The following ADK variants were observed in gnomAD, a reference collection of about 807,000 sequenced individuals.
The protein encoded by ADK is adenosine kinase.
Under a neutral mutation model 44.7 loss-of-function variants are expected in ADK, and 24 were observed. The observed-to-expected ratio is 0.54, with a 90% CI of 0.39 to 0.76. The LOEUF is 0.76. ADK is among the 30% of genes least tolerant of loss of function. The pLI, the probability that ADK is intolerant of heterozygous loss-of-function variation, is 0.00. For synonymous variants in ADK, 128 were observed against 142.6 expected (o/e 0.90, Z 0.73); for missense variants, 321 against 425.1 (o/e 0.76, Z 2.15).
intron 7 of ADK, among the ~76,000 whole-genome samples, chr10:74,532,885 A>C (rs1376039845): frequency 7.6e-6 from 1 of 132,146 alleles, no homozygotes; most frequent in African/African-American, 2.9e-5. Context: ...ATGCCACTGC[A>C]CTCCAGTCTG....
intron 3 of ADK, among the ~76,000 whole-genome samples, chr10:74,247,047 T>G (rs7083605): frequency 0.032 from 4,823 of 151,836 alleles, 271 homozygotes; most frequent in African/African-American, 0.11. Context: ...AAGTGTAAAG[T>G]GGTCCTGAGA....
At chr10:74,640,754 C>A (rs900274375) in intron 9 of ADK, among the ~76,000 whole-genome samples, 3 of 152,166 alleles carry the variant, frequency 2.0e-5, no homozygotes, top group African/African-American at 7.2e-5. Context: ...CAATAAAACT[C>A]TATTTATAAA....
chr10:74,300,349 TCC>T (rs1839985448), intron 3 of ADK, among the ~76,000 whole-genome samples: 1 of 75,668 alleles, frequency 1.3e-5, no homozygotes, highest in East Asian at 2.6e-4. Context: ...CTTCCTTCCT[TCC>T]TTCCTTCCTT....
chr10:74,354,805 A>C (rs1276914221), intron 4 of ADK, among the ~76,000 whole-genome samples: 1 of 152,242 alleles, frequency 6.6e-6, no homozygotes, highest in Non-Finnish European at 1.5e-5. Flanking sequence ...TGTATTATCT[A>C]TCTTAAAAAA....
intron 7 of ADK, among the ~76,000 whole-genome samples, chr10:74,538,752 G>A (rs1200724529): frequency 6.6e-6 from 1 of 152,124 alleles, no homozygotes; most frequent in Non-Finnish European, 1.5e-5. Context: ...TACTGCCATG[G>A]GGATGGGAAG....
chr10:74,427,704 T>C (rs1018565510), intron 6 of ADK, among the ~76,000 whole-genome samples: 2 of 145,776 alleles, frequency 1.4e-5, no homozygotes, highest in African/African-American at 5.1e-5. Flanking sequence ...TGTGTGTGCA[T>C]GTATTTTTGT....
chr10:74,182,536 T>G (rs138236974), intron 1 of ADK, among the ~76,000 whole-genome samples: 2 of 152,066 alleles, frequency 1.3e-5, no homozygotes, highest in African/African-American at 4.8e-5. Flanking sequence ...GCCCGGCTAA[T>G]TTTTGTATTT....
At chr10:74,465,709 A>G (rs1167073563) in intron 6 of ADK, among the ~76,000 whole-genome samples, 1 of 152,172 alleles carries the variant, frequency 6.6e-6, no homozygotes, top group Non-Finnish European at 1.5e-5. Context: ...ATTGAAGAAT[A>G]GTTTACGAGA....
intron 7 of ADK, among the ~76,000 whole-genome samples, chr10:74,580,300 G>A (rs1249634926): frequency 2.6e-5 from 4 of 152,108 alleles, no homozygotes; most frequent in Non-Finnish European, 5.9e-5. Flanking sequence ...TCCTGGCCAG[G>A]CACGGTGGCT....
At chr10:74,555,582 G>C (rs1175599832) in intron 7 of ADK, among the ~76,000 whole-genome samples, 1 of 148,514 alleles carries the variant, frequency 6.7e-6, no homozygotes, top group African/African-American at 2.5e-5. Flanking sequence ...TTGCACTCTA[G>C]CCTGGGATAC....
At chr10:74,553,716 A>G (rs2133792078) in intron 7 of ADK, among the ~76,000 whole-genome samples, 1 of 152,306 alleles carries the variant, frequency 6.6e-6, no homozygotes, top group South Asian at 2.1e-4. Flanking sequence ...ATAGGGATTG[A>G]CTGGTAAGAG....
At chr10:74,337,750 T>C (rs1292325167) in intron 4 of ADK, among the ~76,000 whole-genome samples, 1 of 149,900 alleles carries the variant, frequency 6.7e-6, no homozygotes, top group East Asian at 2.0e-4. Flanking sequence ...GTATATTCCC[T>C]CTTCGGATGA....
intron 4 of ADK, among the ~76,000 whole-genome samples, chr10:74,316,449 A>G (rs1039866270): frequency 6.6e-6 from 1 of 152,152 alleles, no homozygotes; most frequent in African/African-American, 2.4e-5. Flanking sequence ...TAATTGAGTC[A>G]TGGGTGCAGT....
In ADK at chr10:74,689,867, A is replaced by G. The variant is rs578090022; in HGVS notation, c.965-18454A>G. ...TATTTTTCTTCTTTCCTTACTATCT[A>G]TCACCCAGAATAGTGGTTCTCAAAC... On this transcript the variant is annotated intron_variant, in intron 10 of 10. Coordinates refer to ENST00000539909, the MANE Select transcript of ADK (RefSeq NM_006721.4). Among the ~76,000 whole-genome samples, 58 of 152,308 alleles carry G rather than the reference A, an allele frequency of 3.8e-4. No individual in the cohort carries two copies. In the East Asian group the frequency reaches 8.3e-3, roughly 22 times the overall value.
chr10:74,471,061 G>A lies in ADK; in HGVS notation c.556-54195G>A, dbSNP rs1292078658. On this transcript the variant is annotated intron_variant, in intron 6 of 10. Coordinates refer to ENST00000539909, the MANE Select transcript of ADK (RefSeq NM_006721.4). Reference sequence around the variant, plus strand: ...AGAAACTATCCTGTATGCATTATCAGTACTATACTTTTTCTTTTTTTTTTT... The same window carrying A: ...AGAAACTATCCTGTATGCATTATCAATACTATACTTTTTCTTTTTTTTTTT... 4.2e-5 allele frequency among the ~76,000 whole-genome samples: 6 copies of A among 143,848 alleles called. No individual in the cohort carries two copies. In the East Asian group the frequency reaches 1.2e-3, roughly 29 times the overall value. 94.4% of individuals were successfully genotyped at this position (143,848 alleles called of 152,430 possible).
intron 2 of ADK, among the ~76,000 whole-genome samples, chr10:74,217,879 C>A (rs568867106): frequency 5.3e-5 from 8 of 151,978 alleles, no homozygotes; most frequent in Non-Finnish European, 1.2e-4. Flanking sequence ...TGTACATCAC[C>A]ATCATCAAAG....
intron 6 of ADK, among the ~76,000 whole-genome samples, chr10:74,458,145 TTGG>T (rs1846025793): frequency 2.0e-5 from 1 of 50,890 alleles, no homozygotes; most frequent in African/African-American, 5.7e-5. Flanking sequence ...TTTTTTTTTT[TTGG>T]GGGGAGAAGG....
intron 1 of ADK, among the ~76,000 whole-genome samples, chr10:74,196,206 A>T (rs1843143799): frequency 1.3e-5 from 2 of 151,944 alleles, no homozygotes; most frequent in South Asian, 4.2e-4. Context: ...AGCATCACTC[A>T]TCAGGGTCTA....
At chr10:74,297,031 T>C (rs935488089) in intron 3 of ADK, among the ~76,000 whole-genome samples, 3 of 152,186 alleles carry the variant, frequency 2.0e-5, no homozygotes, top group African/African-American at 7.2e-5. Flanking sequence ...AGGTTGTAGC[T>C]ACCCAATGGA....
Sources: gnomAD v4.1 joint callset for allele counts (sites outside exome capture counted in the v4.1 genomes callset) on GRCh38, gnomAD v4.1.1 for gene constraint, MANE v1.5 for transcripts, NCBI Gene and HGNC (gene_info 2026-07-23, HGNC 2026-07-21) for gene names.